The following PEBP4 variants were observed in gnomAD, a reference collection of about 807,000 sequenced individuals.
PEBP4 encodes the protein phosphatidylethanolamine-binding protein 4.
PEBP4 carries 22 observed loss-of-function variants against 23.9 expected under a neutral mutation model. The observed-to-expected ratio is 0.92, with a 90% confidence interval of 0.66 to 1.31. The LOEUF (loss-of-function observed/expected upper bound fraction) is 1.31. Ranked by LOEUF, PEBP4 falls within the 40% of genes most tolerant of loss-of-function variation. PEBP4 has a pLI of 0.00. For missense variants in PEBP4, 324 were observed against 281.7 expected (o/e 1.15, Z -1.07); for synonymous variants, 112 against 99.3 (o/e 1.13, Z -0.76).
intron 3 of PEBP4, chr8:22,886,750 T>G (rs990217891): frequency 6.6e-6 from 1 of 152,528 alleles, no homozygotes; most frequent in Non-Finnish European, 1.5e-5. Flanking sequence ...GGACCTGAGA[T>G]GGGGTGGCCC....
At chr8:22,739,730 C>A (rs565192958) in intron 4 of PEBP4, among the ~76,000 whole-genome samples, 2 of 152,144 alleles carry the variant, frequency 1.3e-5, no homozygotes, top group African/African-American at 2.4e-5. Context: ...GCAGTCCTCC[C>A]GTCTCCCCTC....
chr8:22,929,214 T>C (rs1225931599), upstream of PEBP4, among the ~76,000 whole-genome samples: 1 of 152,244 alleles, frequency 6.6e-6, no homozygotes, highest in Non-Finnish European at 1.5e-5. Context: ...CATTCATTCA[T>C]TCCTTTGCAA....
At chr8:22,760,182 TA>T (rs1480218330) in intron 4 of PEBP4, among the ~76,000 whole-genome samples, 2 of 152,204 alleles carry the variant, frequency 1.3e-5, no homozygotes, top group African/African-American at 4.8e-5. Context: ...TGGATATTCT[TA>T]CCCCCATTTT....
At chr8:22,764,230 A>T (rs940479186) in intron 4 of PEBP4, among the ~76,000 whole-genome samples, 32 of 152,170 alleles carry the variant, frequency 2.1e-4, no homozygotes, top group African/African-American at 5.3e-4. Context: ...GTTGTTTTTT[A>T]AAAAAGCTCT....
At chr8:22,779,349 C>T (rs953913954) in intron 4 of PEBP4, among the ~76,000 whole-genome samples, 1 of 152,130 alleles carries the variant, frequency 6.6e-6, no homozygotes. Flanking sequence ...ATCTGAGCTG[C>T]AGAGAAATAA....
intron 2 of PEBP4, among the ~76,000 whole-genome samples, chr8:22,921,011 T>C (rs1454063367): frequency 2.0e-5 from 3 of 152,196 alleles, no homozygotes; most frequent in African/African-American, 4.8e-5. Context: ...GTTCTAAGAA[T>C]GTGGCTTCCT....
intron 6 of PEBP4, among the ~76,000 whole-genome samples, chr8:22,716,047 T>C (rs1006893751): frequency 6.6e-6 from 1 of 152,032 alleles, no homozygotes; most frequent in African/African-American, 2.4e-5. Context: ...TAGGCCAGGC[T>C]CTTCCTGGGA....
At chr8:22,835,563 T>A (rs1269864119) in intron 3 of PEBP4, among the ~76,000 whole-genome samples, 1 of 152,236 alleles carries the variant, frequency 6.6e-6, no homozygotes, top group Non-Finnish European at 1.5e-5. Flanking sequence ...GGAATGGGAC[T>A]GTTACAGAAT....
intron 3 of PEBP4, among the ~76,000 whole-genome samples, chr8:22,839,574 C>T (rs999207136): frequency 2.0e-4 from 31 of 152,090 alleles, no homozygotes; most frequent in African/African-American, 7.2e-4. Flanking sequence ...GTTCTTCTGG[C>T]GAAAAGGACT....
intron 3 of PEBP4, among the ~76,000 whole-genome samples, chr8:22,914,634 A>G (rs572958529): frequency 9.3e-4 from 141 of 152,084 alleles, no homozygotes; most frequent in Non-Finnish European, 1.8e-3. Flanking sequence ...GCCTACCCGC[A>G]GGTAAACCTG....
chr8:22,862,633 A>G (rs576471880), intron 3 of PEBP4, among the ~76,000 whole-genome samples: 64 of 152,232 alleles, frequency 4.2e-4, no homozygotes, highest in South Asian at 1.0e-3. Context: ...GCTTAAACAC[A>G]AACTCTTTTA....
At chr8:22,849,695 A>G (rs1807512029) in intron 3 of PEBP4, among the ~76,000 whole-genome samples, 1 of 152,188 alleles carries the variant, frequency 6.6e-6, no homozygotes, top group African/African-American at 2.4e-5. Flanking sequence ...TGCTGTCTTG[A>G]ATATGCTACT....
intron 4 of PEBP4, among the ~76,000 whole-genome samples, chr8:22,740,398 G>A (rs1438231466): frequency 6.6e-6 from 1 of 152,182 alleles, no homozygotes; most frequent in Admixed American, 6.5e-5. Flanking sequence ...AGTGTGCCCT[G>A]GGAGCTTATC....
intron 6 of PEBP4, among the ~76,000 whole-genome samples, chr8:22,720,040 GAC>G (rs1009784262): frequency 6.6e-6 from 1 of 152,200 alleles, no homozygotes; most frequent in African/African-American, 2.4e-5. Flanking sequence ...CTCACACACA[GAC>G]ACACTCATTA....
At chr8:22,923,368 G>A (rs1585159259) in intron 2 of PEBP4, among the ~76,000 whole-genome samples, 1 of 152,010 alleles carries the variant, frequency 6.6e-6, no homozygotes, top group East Asian at 1.9e-4. Flanking sequence ...GGAGTTAGAG[G>A]CCAGCCTGGG....
intron 3 of PEBP4, among the ~76,000 whole-genome samples, chr8:22,897,042 T>G (rs1037410712): frequency 6.6e-5 from 10 of 151,902 alleles, no homozygotes; most frequent in Non-Finnish European, 1.5e-4. Flanking sequence ...TGTGTGTGTG[T>G]GTGTATGTAT....
intron 4 of PEBP4, among the ~76,000 whole-genome samples, chr8:22,766,353 G>T (rs1805615225): frequency 6.6e-6 from 1 of 152,224 alleles, no homozygotes. Context: ...TTCATAGATG[G>T]CCTCTGACCT....
intron 3 of PEBP4, among the ~76,000 whole-genome samples, chr8:22,909,022 T>G (rs1585337831): frequency 6.6e-6 from 1 of 151,968 alleles, no homozygotes; most frequent in Non-Finnish European, 1.5e-5. Flanking sequence ...CAGAGAGAGG[T>G]GAACCCACCC....
At chr8:22,833,420 C>T (rs1347932207) in intron 3 of PEBP4, among the ~76,000 whole-genome samples, 1 of 152,194 alleles carries the variant, frequency 6.6e-6, no homozygotes, top group Non-Finnish European at 1.5e-5. Context: ...CAACCTCCGC[C>T]TCAAGGGTTC....
Sources: gnomAD v4.1 joint callset for allele counts (sites outside exome capture counted in the v4.1 genomes callset) on GRCh38, gnomAD v4.1.1 for gene constraint, MANE v1.5 for transcripts, NCBI Gene and HGNC (gene_info 2026-07-23, HGNC 2026-07-21) for gene names.